Variants in NTM observed in about 807,000 individuals in gnomAD.
The protein encoded by NTM is neurotrimin, also known as IgLON family member 2.
Under a neutral mutation model 42.1 loss-of-function variants are expected in NTM, and 13 were observed. That is an observed-to-expected ratio of 0.31 (90% CI 0.20 to 0.49). The LOEUF is 0.49. NTM is among the 20% of genes least tolerant of loss of function. The pLI is 0.99. For synonymous variants in NTM, 187 were observed against 179.2 expected, an observed-to-expected ratio of 1.04 and a Z score of -0.35; for missense variants, 373 against 452.8, an observed-to-expected ratio of 0.82 and a Z score of 1.60.
chr11:132,129,163 A>G (rs1464046847), intron 2 of NTM, among the ~76,000 whole-genome samples: 1 of 152,056 alleles, frequency 6.6e-6, no homozygotes, highest in African/African-American at 2.4e-5. Context: ...TATTGGTCAT[A>G]TATTCTAGAA....
chr11:132,276,981 C>G (rs2093751430), intron 4 of NTM, among the ~76,000 whole-genome samples: 1 of 152,116 alleles, frequency 6.6e-6, no homozygotes, highest in South Asian at 2.1e-4. Flanking sequence ...TATAGAAATA[C>G]AACTGATTTT....
chr11:131,405,866 A>G (rs1342414655), intron 1 of NTM, among the ~76,000 whole-genome samples: 1 of 152,074 alleles, frequency 6.6e-6, no homozygotes, highest in East Asian at 1.9e-4. Context: ...AAACTTGCCA[A>G]GTTTGGTCTT....
At chr11:132,256,876 A>G (rs752405843) in intron 4 of NTM, among the ~76,000 whole-genome samples, 54 of 152,308 alleles carry the variant, frequency 3.5e-4, no homozygotes, top group Non-Finnish European at 6.5e-4. Context: ...TCCCACAGAC[A>G]GGATGTGTGT....
intron 3 of NTM, among the ~76,000 whole-genome samples, chr11:132,160,647 G>A (rs1025014073): frequency 2.6e-5 from 4 of 152,192 alleles, no homozygotes; most frequent in Admixed American, 6.5e-5. Flanking sequence ...TTAACATAGG[G>A]AGAGAGCTGG....
intron 1 of NTM, chr11:131,533,902 C>T (rs1327600433): frequency 6.6e-6 from 1 of 152,188 alleles, no homozygotes; most frequent in Non-Finnish European, 1.5e-5. Context: ...GATTTGAAGC[C>T]CCCTGTCCCA....
intron 4 of NTM, among the ~76,000 whole-genome samples, chr11:132,229,423 T>C (rs1228006241): frequency 1.3e-5 from 2 of 152,220 alleles, no homozygotes; most frequent in East Asian, 3.9e-4. Flanking sequence ...AAATTCAAGA[T>C]GAATCAATCT....
chr11:131,766,487 A>G (rs1437783376), intron 1 of NTM, among the ~76,000 whole-genome samples: 2 of 152,186 alleles, frequency 1.3e-5, no homozygotes, highest in Admixed American at 6.5e-5. Context: ...CACGGGAGGT[A>G]CGTCAAGGCT....
chr11:132,319,454 G>A (rs567960435), intron 7 of NTM, among the ~76,000 whole-genome samples: 1 of 152,298 alleles, frequency 6.6e-6, no homozygotes, highest in Admixed American at 6.5e-5. Context: ...TTAAAAAACG[G>A]CACACCAAGA....
intron 3 of NTM, among the ~76,000 whole-genome samples, chr11:132,195,133 G>T (rs4936160): frequency 6.6e-6 from 1 of 151,864 alleles, no homozygotes; most frequent in Non-Finnish European, 1.5e-5. Flanking sequence ...GAAATCAATA[G>T]CATTTCTCTA....
Position 131,937,167 on chromosome 11 carries a change from G to T in NTM, c.167+25519G>T, listed in dbSNP as rs143852837. 3.5e-3 allele frequency among the ~76,000 whole-genome samples: 529 copies of T among 152,192 alleles called. 3 individuals carry two copies. Among genetic ancestry groups the T allele is most frequent in the African/African-American group, 0.012 (510 of 41,518 alleles). The stretch of plus-strand genomic sequence containing the variant: ...ATTTCTGCAGAAACAGAAGTTCTGC[G>T]TTTTCACTCAGGAGTAGAGTCAGCA... On this transcript the variant is annotated intron_variant, in intron 2 of 8. Transcript: ENST00000683400.
intron 2 of NTM, among the ~76,000 whole-genome samples, chr11:132,033,928 A>G (rs2076216848): frequency 6.6e-6 from 1 of 152,210 alleles, no homozygotes; most frequent in Non-Finnish European, 1.5e-5. Context: ...CAAACTGGTC[A>G]TTACAACCTG....
At chr11:131,622,952 G>A (rs373433473) in intron 1 of NTM, among the ~76,000 whole-genome samples, 4 of 152,148 alleles carry the variant, frequency 2.6e-5, no homozygotes, top group African/African-American at 4.8e-5. Flanking sequence ...TCAAATTGGC[G>A]TTCTCCTGAA....
intron 2 of NTM, among the ~76,000 whole-genome samples, chr11:131,932,219 A>G (rs1050261108): frequency 1.3e-5 from 2 of 152,222 alleles, no homozygotes; most frequent in African/African-American, 4.8e-5. Context: ...TGAACAAAAT[A>G]CATACAAAAC....
intron 1 of NTM, among the ~76,000 whole-genome samples, chr11:131,447,252 C>T (rs1164954696): frequency 6.6e-6 from 1 of 152,150 alleles, no homozygotes; most frequent in Non-Finnish European, 1.5e-5. Flanking sequence ...GATTTTGGAC[C>T]CCCAAGGTTA....
intron 2 of NTM, among the ~76,000 whole-genome samples, chr11:132,024,598 G>A (rs1453379778): frequency 6.6e-6 from 1 of 152,134 alleles, no homozygotes; most frequent in Non-Finnish European, 1.5e-5. Context: ...CGTGGATAAG[G>A]AGGGCCAGTC....
intron 1 of NTM, among the ~76,000 whole-genome samples, chr11:131,598,919 C>CCTTCCTTCCTTCCTTT (rs1414778593): frequency 2.9e-5 from 4 of 139,980 alleles, no homozygotes; most frequent in African/African-American, 8.2e-5. Context: ...TTCCTTCCTT[C>CCTTCCTTCCTTCCTTT]CTTCTTTCCT....
chr11:131,571,746 T>G (rs941618574), intron 1 of NTM, among the ~76,000 whole-genome samples: 1 of 152,186 alleles, frequency 6.6e-6, no homozygotes, highest in Admixed American at 6.5e-5. Context: ...CTGAAACAGA[T>G]CCCACAGCAC....
At chr11:131,836,309 G>A (rs1220048136) in intron 1 of NTM, among the ~76,000 whole-genome samples, 1 of 152,150 alleles carries the variant, frequency 6.6e-6, no homozygotes, top group South Asian at 2.1e-4. Flanking sequence ...GAACTAGTTC[G>A]AGAGCTTCTC....
chr11:131,894,074 G>T (rs373867788), intron 1 of NTM, among the ~76,000 whole-genome samples: 1 of 152,148 alleles, frequency 6.6e-6, no homozygotes, highest in Non-Finnish European at 1.5e-5. Context: ...AGAGGGAAAG[G>T]CATTTTATAT....
Sources: gnomAD v4.1 joint callset for allele counts (sites outside exome capture counted in the v4.1 genomes callset) on GRCh38, gnomAD v4.1.1 for gene constraint, MANE v1.5 for transcripts, NCBI Gene and HGNC (gene_info 2026-07-23, HGNC 2026-07-21) for gene names.